KIF16B: variants seen among roughly 807,000 people sequenced by gnomAD.
The protein encoded by KIF16B is kinesin-like protein KIF16B.
A neutral mutation model predicts 156.3 loss-of-function variants in KIF16B; 98 were observed. That is an observed-to-expected ratio of 0.63 (90% CI 0.53 to 0.74). KIF16B has a LOEUF of 0.74. Ranked by LOEUF, KIF16B falls within the 30% of genes least tolerant of loss-of-function variation. The pLI is 0.00. For missense variants in KIF16B, 1,421 were observed against 1,606.5 expected (o/e 0.88, Z 1.97); for synonymous variants, 564 against 583.7 (o/e 0.97, Z 0.49).
intron 10 of KIF16B, among the ~76,000 whole-genome samples, chr20:16,503,851 T>C (rs1014556325): frequency 3.9e-5 from 6 of 152,076 alleles, no homozygotes; most frequent in African/African-American, 1.4e-4. Context: ...TGAGACTATT[T>C]CAACAATCAA....
At chr20:16,398,313 A>G (rs936556055) in intron 17 of KIF16B, among the ~76,000 whole-genome samples, 3 of 152,142 alleles carry the variant, frequency 2.0e-5, no homozygotes, top group Non-Finnish European at 4.4e-5. Flanking sequence ...AACATTGGAG[A>G]ACAAAGTCAG....
At chr20:16,513,320 G>A (rs9808590) in intron 4 of KIF16B, among the ~76,000 whole-genome samples, 4,021 of 152,098 alleles carry the variant, frequency 0.026, 164 homozygotes, top group African/African-American at 0.092. Flanking sequence ...CAATCCCCAC[G>A]GTAGTTAATA....
intron 25 of KIF16B, among the ~76,000 whole-genome samples, chr20:16,280,507 T>A (rs1266308781): frequency 1.3e-5 from 2 of 152,212 alleles, no homozygotes; most frequent in African/African-American, 4.8e-5. Flanking sequence ...GGATTCAGCC[T>A]GCAGGTACTT....
chr20:16,414,105 T>C (rs2066027584), intron 15 of KIF16B, among the ~76,000 whole-genome samples: 1 of 152,078 alleles, frequency 6.6e-6, no homozygotes, highest in Admixed American at 6.6e-5. Context: ...AAGTAATATG[T>C]TCTAGGGCCT....
intron 12 of KIF16B, among the ~76,000 whole-genome samples, chr20:16,476,763 T>G (rs2067826197): frequency 6.6e-6 from 1 of 152,172 alleles, no homozygotes; most frequent in African/African-American, 2.4e-5. Context: ...TCTTTTTTAT[T>G]TATTTACTTT....
chr20:16,555,449 A>G (rs962800360), intron 1 of KIF16B, among the ~76,000 whole-genome samples: 3 of 152,202 alleles, frequency 2.0e-5, no homozygotes, highest in Non-Finnish European at 4.4e-5. Context: ...ATGATGCAAA[A>G]GTTCGGGATT....
chr20:16,340,977 C>T (rs2064130843), intron 23 of KIF16B, among the ~76,000 whole-genome samples: 1 of 152,048 alleles, frequency 6.6e-6, no homozygotes, highest in Admixed American at 6.6e-5. Context: ...GAATGTTCCC[C>T]CAAAAGCATC....
intron 4 of KIF16B, among the ~76,000 whole-genome samples, chr20:16,513,659 TAAAAAAAAAAAA>T (rs10713040): frequency 8.9e-6 from 1 of 112,722 alleles, no homozygotes; most frequent in Non-Finnish European, 1.8e-5. Context: ...AAACTACGTT[TAAAAAAAAAAAA>T]AAAAAAAAAA....
chr20:16,526,818 C>T (rs1477553928), intron 2 of KIF16B, among the ~76,000 whole-genome samples: 2 of 152,166 alleles, frequency 1.3e-5, no homozygotes, highest in African/African-American at 4.8e-5. Context: ...GCTCCCAAAG[C>T]CTGCTTATTG....
Position 16,378,865 on chromosome 20 carries a change from T to C in KIF16B, c.3137A>G (p.Gln1046Arg), listed in dbSNP as rs745888455. ...LASLNSGSREQSGLQASLEAE... is the reference protein window; with the variant it reads ...LASLNSGSRERSGLQASLEAE... ...CTCCAGGCTAGCCTGGAGCCCTGAC[T>C]GCTCTCTGCTGCCACTGTTCAGACT... is the stretch of plus-strand genomic sequence containing the variant. The change falls in exon 19 of 26, where the codon CAG becomes CGG. Residue 1046 changes from glutamine to arginine, a missense_variant. By Grantham distance (43) the Gln-to-Arg change is conservative (BLOSUM62 1). Transcript: ENST00000354981. 1.2e-6 allele frequency: 2 copies of C among 1,614,128 alleles called. No individual in the cohort carries two copies. Among genetic ancestry groups the C allele is most frequent in the Non-Finnish European group, 1.7e-6 (2 of 1,180,002 alleles).
intron 15 of KIF16B, among the ~76,000 whole-genome samples, chr20:16,421,784 T>G (rs1600353319): frequency 6.6e-6 from 1 of 152,174 alleles, no homozygotes; most frequent in East Asian, 1.9e-4. Flanking sequence ...ACATAGTATT[T>G]TTATGTTAAT....
At chr20:16,316,735 A>G (rs1309368658) in intron 24 of KIF16B, among the ~76,000 whole-genome samples, 1 of 152,174 alleles carries the variant, frequency 6.6e-6, no homozygotes, top group Non-Finnish European at 1.5e-5. Flanking sequence ...GTGCAAAGCT[A>G]TTGCCTCATT....
At chr20:16,490,895 T>TA (rs1253208690) in intron 12 of KIF16B, among the ~76,000 whole-genome samples, 1 of 152,196 alleles carries the variant, frequency 6.6e-6, no homozygotes, top group African/African-American at 2.4e-5. Context: ...AGCAGAGTGC[T>TA]AGGAGCTGGC....
chr20:16,350,905 G>C (rs1049478239), intron 23 of KIF16B, among the ~76,000 whole-genome samples: 1 of 151,608 alleles, frequency 6.6e-6, no homozygotes, highest in African/African-American at 2.4e-5. Context: ...GGGGGGGTCT[G>C]TGTCATACAA....
chr20:16,335,657 G>A (rs536107446), intron 24 of KIF16B, among the ~76,000 whole-genome samples: 2 of 152,286 alleles, frequency 1.3e-5, no homozygotes, highest in African/African-American at 4.8e-5. Context: ...TTTATGAGAA[G>A]GATGGAGTTC....
At chr20:16,448,713 A>G (rs558150841) in intron 12 of KIF16B, among the ~76,000 whole-genome samples, 1 of 152,384 alleles carries the variant, frequency 6.6e-6, no homozygotes, top group East Asian at 1.9e-4. Context: ...CCACGACAAG[A>G]GCCAACAACA....
chr20:16,444,033 G>A (rs900568208), intron 12 of KIF16B, among the ~76,000 whole-genome samples: 1 of 152,216 alleles, frequency 6.6e-6, no homozygotes, highest in Non-Finnish European at 1.5e-5. Context: ...TATGTGCAGT[G>A]CAAGCCAGCT....
At chr20:16,377,412 AAAATAAAT>A (rs377190523) in intron 19 of KIF16B, among the ~76,000 whole-genome samples, 1 of 151,242 alleles carries the variant, frequency 6.6e-6, no homozygotes, top group Non-Finnish European at 1.5e-5. Context: ...TAAAATACAT[AAAATAAAT>A]AAATAAATAA....
intron 1 of KIF16B, among the ~76,000 whole-genome samples, chr20:16,529,114 T>C (rs991583059): frequency 2.0e-5 from 3 of 152,206 alleles, no homozygotes; most frequent in African/African-American, 2.4e-5. Context: ...AGAAAATCTA[T>C]GTAGAAAAAT....
Sources: gnomAD v4.1 joint callset for allele counts (sites outside exome capture counted in the v4.1 genomes callset) on GRCh38, gnomAD v4.1.1 for gene constraint, MANE v1.5 for transcripts, NCBI Gene and HGNC (gene_info 2026-07-23, HGNC 2026-07-21) for gene names.